The following BRINP2 variants were observed in gnomAD, a reference collection of about 807,000 sequenced individuals.
BRINP2 encodes the protein BMP/retinoic acid inducible neural specific 2.
In BRINP2, 21 loss-of-function variants were observed where a neutral mutation model predicts 69.2. The ratio of observed to expected loss-of-function variants is 0.30; its 90% CI spans 0.22 to 0.44. The LOEUF (loss-of-function observed/expected upper bound fraction) is 0.44. Among genes scored for constraint, BRINP2 ranks in the 20% least tolerant of loss-of-function variants. BRINP2 has a pLI of 1.00. For synonymous variants in BRINP2, 380 were observed against 394.1 expected (o/e 0.96, Z 0.42); for missense variants, 877 against 986.0 (o/e 0.89, Z 1.48).
At chr1:177,194,672 TAAG>T (rs1400828528) in intron 1 of BRINP2, among the ~76,000 whole-genome samples, 2 of 152,170 alleles carry the variant, frequency 1.3e-5, no homozygotes, top group African/African-American at 2.4e-5. Context: ...TTCCCATGAC[TAAG>T]AAGATTTAAC....
chr1:177,216,577 T>C (rs1229492469), intron 1 of BRINP2, among the ~76,000 whole-genome samples: 7 of 152,262 alleles, frequency 4.6e-5, no homozygotes, highest in South Asian at 2.1e-4. Context: ...ATAAAACTTA[T>C]ACTATTAGGT....
intron 2 of BRINP2, among the ~76,000 whole-genome samples, chr1:177,235,903 C>G (rs1300075360): frequency 6.6e-6 from 1 of 152,112 alleles, no homozygotes; most frequent in Non-Finnish European, 1.5e-5. Flanking sequence ...CCACCAGGCC[C>G]AAAGTAAAAT....
chr1:177,227,437 A>G (rs1030534622), intron 1 of BRINP2, among the ~76,000 whole-genome samples: 5 of 152,234 alleles, frequency 3.3e-5, no homozygotes, highest in Admixed American at 2.6e-4. Context: ...TGTATTGTCA[A>G]TGCTTAGCAG....
Position 177,278,628 on chromosome 1 carries a change from C to A in BRINP2, c.1078C>A (p.Gln360Lys). ...DRFLNSTAIS[Q>K]FWAMDTSLQH... ...GTTCCTGAACTCCACAGCTATCTCC[C>A]AGTTCTGGGCCATGGACACCAGCCT... is the stretch of plus-strand genomic sequence containing the variant. Residue 360 changes from glutamine (Q) to lysine (K), a missense_variant, in exon 7 of 8, where the codon CAG becomes AAG. Physicochemically the swap from Gln to Lys is moderately conservative, Grantham distance 53. This residue lies in a region of BRINP2 where 566 missense variants were observed against 625.2 expected (regional missense o/e 0.91). Coordinates refer to ENST00000361539, the MANE Select transcript of BRINP2 (RefSeq NM_021165.4). The A allele has an allele frequency of 3.1e-6, 5 of 1,614,224 alleles. No homozygotes were observed. Among genetic ancestry groups the A allele is most frequent in the Non-Finnish European group, 4.2e-6 (5 of 1,180,046 alleles).
At chr1:177,269,446 G>C (rs940566095) in intron 4 of BRINP2, among the ~76,000 whole-genome samples, 13 of 152,210 alleles carry the variant, frequency 8.5e-5, no homozygotes, top group Non-Finnish European at 1.5e-4. Flanking sequence ...GCTGAGGAAG[G>C]ACTTGGTGGG....
At chr1:177,263,019 G>T (rs185368007) in intron 4 of BRINP2, among the ~76,000 whole-genome samples, 3 of 152,158 alleles carry the variant, frequency 2.0e-5, no homozygotes, top group Non-Finnish European at 4.4e-5. Flanking sequence ...GTGTATATAC[G>T]TGGCGAAAGA....
At chr1:177,233,707 G>A (rs1007348580) in intron 2 of BRINP2, among the ~76,000 whole-genome samples, 2 of 152,158 alleles carry the variant, frequency 1.3e-5, no homozygotes, top group African/African-American at 2.4e-5. Context: ...ACTCTTACTG[G>A]CCTTGTGGGC....
At chr1:177,230,258 C>A in intron 2 of BRINP2, 113 bp downstream of exon 2, 1 of 1,187,186 alleles carries the variant, frequency 8.4e-7, no homozygotes, top group Non-Finnish European at 1.2e-6. Flanking sequence ...TCAAACTGAG[C>A]TAGAGGTGAA....
At chr1:177,264,609 G>T (rs958813439) in intron 4 of BRINP2, among the ~76,000 whole-genome samples, 1 of 152,188 alleles carries the variant, frequency 6.6e-6, no homozygotes, top group Admixed American at 6.5e-5. Flanking sequence ...CTTTAGCAAA[G>T]TCTCAGGATA....
intron 1 of BRINP2, among the ~76,000 whole-genome samples, chr1:177,213,250 A>G (rs1049715594): frequency 2.0e-5 from 3 of 152,104 alleles, no homozygotes; most frequent in African/African-American, 7.2e-5. Context: ...CACTACTGAC[A>G]TTTGGGGTCA....
intron 1 of BRINP2, among the ~76,000 whole-genome samples, chr1:177,216,579 C>T (rs1054634872): frequency 2.6e-5 from 4 of 152,028 alleles, no homozygotes; most frequent in African/African-American, 7.2e-5. Flanking sequence ...AAAACTTATA[C>T]TATTAGGTTT....
chr1:177,228,550 C>T (rs1352365981), intron 1 of BRINP2, among the ~76,000 whole-genome samples: 1 of 152,172 alleles, frequency 6.6e-6, no homozygotes, highest in East Asian at 1.9e-4. Context: ...GGAATTAACA[C>T]TCCTTGCCTC....
At chr1:177,174,200 T>C (rs958689613) in intron 1 of BRINP2, among the ~76,000 whole-genome samples, 1 of 152,176 alleles carries the variant, frequency 6.6e-6, no homozygotes, top group African/African-American at 2.4e-5. Context: ...TAAGGGACAC[T>C]GTGGAATTGG....
Position 177,171,091 on chromosome 1 carries a change from C to G in BRINP2, c.-718C>G, listed in dbSNP as rs1253591571. Among the ~76,000 whole-genome samples the G allele has an allele frequency of 1.3e-5, 2 of 152,174 alleles. No individual in the cohort carries two copies. Among genetic ancestry groups the G allele is most frequent in the East Asian group, 3.9e-4 (2 of 5,178 alleles). ...GCGCTGGCAGCGCTTACGCTGAGCT[C>G]GGAGGATCCCATTAGGACTTGCCCG... On this transcript the variant is annotated 5_prime_UTR_variant, in exon 1 of 8. Transcript: ENST00000361539.
intron 1 of BRINP2, among the ~76,000 whole-genome samples, chr1:177,196,405 G>T (rs1648747701): frequency 6.6e-6 from 1 of 152,080 alleles, no homozygotes; most frequent in African/African-American, 2.4e-5. Flanking sequence ...ATCACCTGAG[G>T]TCGGGAGTTT....
At chr1:177,274,279 A>T (rs1031464732) in intron 5 of BRINP2, among the ~76,000 whole-genome samples, 1 of 152,212 alleles carries the variant, frequency 6.6e-6, no homozygotes, top group African/African-American at 2.4e-5. Flanking sequence ...CCCTGCAGGC[A>T]TCCTGGGGGC....
chr1:177,279,397 A>C (rs1651619744), intron 7 of BRINP2, among the ~76,000 whole-genome samples: 1 of 152,256 alleles, frequency 6.6e-6, no homozygotes, highest in African/African-American at 2.4e-5. Flanking sequence ...CAACCACTTA[A>C]ATTTATGGTG....
intron 3 of BRINP2, chr1:177,256,901 G>T: frequency 7.9e-7 from 1 of 1,266,412 alleles, no homozygotes; most frequent in Non-Finnish European, 1.0e-6. Context: ...AAGATGGATT[G>T]CTTGAGACAG....
chr1:177,219,710 A>C (rs974448372), intron 1 of BRINP2, among the ~76,000 whole-genome samples: 1 of 152,250 alleles, frequency 6.6e-6, no homozygotes, highest in Admixed American at 6.5e-5. Context: ...CAGGCCTGGC[A>C]GAAAGCCAAG....
Sources: gnomAD v4.1 joint callset for allele counts (sites outside exome capture counted in the v4.1 genomes callset) on GRCh38, gnomAD v4.1.1 for gene constraint, gnomAD v4.1.1 regional missense constraint, MANE v1.5 for transcripts, NCBI Gene and HGNC (gene_info 2026-07-23, HGNC 2026-07-21) for gene names.